Variants in RFTN1 observed in about 807,000 individuals in gnomAD.
The protein encoded by RFTN1 is raftlin.
In RFTN1, 26 loss-of-function variants were observed where a neutral mutation model predicts 46.5. The ratio of observed to expected loss-of-function variants is 0.56; its 90% CI spans 0.41 to 0.78. RFTN1 has a LOEUF of 0.78. RFTN1 is among the 30% of genes least tolerant of loss of function. The pLI is 0.00. For synonymous variants in RFTN1, 261 were observed against 284.2 expected, an observed-to-expected ratio of 0.92 and a Z score of 0.82; for missense variants, 693 against 718.7, an observed-to-expected ratio of 0.96 and a Z score of 0.41.
rs1003936726 is a variant in RFTN1 at position 16,338,791 on chromosome 3, GA to G, written c.1147-11916del. 5.9e-5 allele frequency among the ~76,000 whole-genome samples: 9 copies of G among 152,192 alleles called. No individual in the cohort carries two copies. The highest frequency in any genetic ancestry group is 5.8e-4 in the East Asian group (3 of 5,182). On this transcript the variant is annotated intron_variant, in intron 7 of 9. Coordinates refer to ENST00000334133, the MANE Select transcript of RFTN1 (RefSeq NM_015150.2). The surrounding 1 kb of genome is among the most constrained non-coding windows in gnomAD (Gnocchi z 5.3). Reference sequence around the variant, plus strand: ...TTACCTAGAAAAGAGAAAAGGGATTGAAAAAAGGAGCTTTTCCAAAGTGTAT... The same window carrying G: ...TTACCTAGAAAAGAGAAAAGGGATTGAAAAAGGAGCTTTTCCAAAGTGTAT...
rs1178486982 is a variant in RFTN1, at chr3:16,404,351, AAT to A, written c.441+5022_441+5023del. On this transcript the variant is annotated intron_variant, in intron 4 of 9. Coordinates refer to ENST00000334133, the MANE Select transcript of RFTN1 (RefSeq NM_015150.2). ...ATAATATATAATATATATAATATAT[AAT>A]ATATATACACAATATATAATATATA... 1.9e-4 allele frequency among the ~76,000 whole-genome samples: 5 copies of A among 26,692 alleles called. 1 individual carries two copies. The highest frequency in any genetic ancestry group is 3.1e-4 in the Non-Finnish European group (4 of 12,874). 17.5% of individuals were successfully genotyped at this position (26,692 alleles called of 152,430 possible).
chr3:16,437,446 C>T (rs2075537323), intron 2 of RFTN1, among the ~76,000 whole-genome samples: 4 of 151,992 alleles, frequency 2.6e-5, no homozygotes, highest in Non-Finnish European at 5.9e-5. Context: ...ATCGCTTGAG[C>T]CCAGGAGTTT....
chr3:16,434,522 T>C lies in RFTN1; in HGVS notation c.146-485A>G, dbSNP rs113601051. On this transcript the variant is annotated intron_variant, in intron 2 of 9. Transcript: ENST00000334133. ...GTGAGCCATGATAGGGCCACTGCACTCTAGCCTGGGCAACAGAGCAAGCCA... is the reference window on the plus strand; with the variant it reads ...GTGAGCCATGATAGGGCCACTGCACCCTAGCCTGGGCAACAGAGCAAGCCA... Among the ~76,000 whole-genome samples, 840 of 152,076 alleles carry C rather than the reference T, an allele frequency of 5.5e-3. 10 individuals carry two copies. The highest frequency in any genetic ancestry group is 0.019 in the African/African-American group (791 of 41,472).
rs922220813 is a variant in RFTN1, at chr3:16,468,208, T to C, written c.145+25517A>G. Among the ~76,000 whole-genome samples, 2 of 152,224 alleles carry C rather than the reference T, an allele frequency of 1.3e-5. No individual in the cohort carries two copies. The highest frequency in any genetic ancestry group is 2.9e-5 in the Non-Finnish European group (2 of 68,042). On this transcript the variant is annotated intron_variant, in intron 2 of 9. Transcript: ENST00000334133. This position sits in a 1 kb window ranked among gnomAD's most constrained non-coding sequence, Gnocchi z 4.4. Reference sequence around the variant, plus strand: ...TCTCTAGAAATTCCGTCGGCTTAATTTATGTGGCTCATTCCTCATTCCCTT... The same window carrying C: ...TCTCTAGAAATTCCGTCGGCTTAATCTATGTGGCTCATTCCTCATTCCCTT...
chr3:16,453,671 C>T (rs1039483421), intron 2 of RFTN1, among the ~76,000 whole-genome samples: 2 of 152,074 alleles, frequency 1.3e-5, no homozygotes, highest in African/African-American at 4.8e-5. Flanking sequence ...AAAGCATGAA[C>T]GTATGTAACG....
chr3:16,463,747 G>A (rs2076044193), intron 2 of RFTN1, among the ~76,000 whole-genome samples: 1 of 152,046 alleles, frequency 6.6e-6, no homozygotes, highest in Admixed American at 6.5e-5. Context: ...ATTTTTGATT[G>A]AATACCAGAC....
At position 16,341,733 on chromosome 3, in the gene RFTN1, A is replaced by C. The variant is rs185690252; in HGVS notation, c.1147-14857T>G. ...CCACCAATGGAAAACTAATTAAATA[A>C]ATTAAAATTTTTCATAGATTGAAGT... is the stretch of plus-strand genomic sequence containing the variant. On this transcript the variant is annotated intron_variant, in intron 7 of 9. Transcript: ENST00000334133. The surrounding 1 kb of genome is among the most constrained non-coding windows in gnomAD (Gnocchi z 4.7). 1.6e-3 allele frequency among the ~76,000 whole-genome samples: 240 copies of C among 152,356 alleles called. 3 individuals carry two copies. The highest frequency in any genetic ancestry group is 0.013 in the South Asian group (63 of 4,828).
intron 9 of RFTN1, among the ~76,000 whole-genome samples, chr3:16,319,136 T>C (rs1475999645): frequency 6.6e-6 from 1 of 152,132 alleles, no homozygotes; most frequent in African/African-American, 2.4e-5. Flanking sequence ...AGTCTCTCCT[T>C]TTTTTTAATG....
chr3:16,450,743 A>G lies in RFTN1; in HGVS notation c.146-16706T>C, dbSNP rs1259465959. On this transcript the variant is annotated intron_variant, in intron 2 of 9. Coordinates refer to ENST00000334133, the MANE Select transcript of RFTN1 (RefSeq NM_015150.2). The surrounding 1 kb of genome is among the most constrained non-coding windows in gnomAD (Gnocchi z 4.6). ...AGAAGGTGTTATTTTGCCTTCTCTT[A>G]CCTTTTCATCAGACCCTGTTCTCAA... Among the ~76,000 whole-genome samples, 1 of 152,022 alleles carries G rather than the reference A, an allele frequency of 6.6e-6. No homozygotes were observed. Among genetic ancestry groups the G allele is most frequent in the African/African-American group, 2.4e-5 (1 of 41,358 alleles).
At chr3:16,379,672 G>A (rs2073915403) in intron 4 of RFTN1, among the ~76,000 whole-genome samples, 1 of 152,106 alleles carries the variant, frequency 6.6e-6, no homozygotes, top group African/African-American at 2.4e-5. Flanking sequence ...CATACGCCCC[G>A]AGTTGGCTCA....
In RFTN1 at chr3:16,322,021, C is replaced by T. The variant is rs1234900879; in HGVS notation, c.1332+1355G>A. Among the ~76,000 whole-genome samples, 4 of 152,212 alleles carry T rather than the reference C, an allele frequency of 2.6e-5. No homozygotes were observed. The highest frequency in any genetic ancestry group is 2.1e-4 in the South Asian group (1 of 4,828). On this transcript the variant is annotated intron_variant, in intron 9 of 9. Coordinates refer to ENST00000334133, the MANE Select transcript of RFTN1 (RefSeq NM_015150.2). The surrounding 1 kb of genome is among the most constrained non-coding windows in gnomAD (Gnocchi z 6.2). ...ACCATCTCCCTCTGTAAGGCTGCAG[C>T]GGGTGTCTGTCAGCATCTGACAGGG...
In RFTN1 at chr3:16,358,050, G is replaced by T; in HGVS notation, c.1031-3C>A. 4.0e-6 allele frequency: 5 copies of T among 1,238,708 alleles called. No individual in the cohort carries two copies. The highest frequency in any genetic ancestry group is 1.2e-5 in the South Asian group (1 of 81,276). The allele number at this position is 1,238,708 out of a possible 1,614,324, so 76.7% of individuals were successfully genotyped here. A position where few individuals can be genotyped will look rare whatever the true frequency, so the allele number is the denominator to read the frequency against. ...ATCTGTCAAGCCATGTAAGGAATCT[G>T]TGGAAAAAGAAAAAGGCGGGGGTGG... is the stretch of plus-strand genomic sequence containing the variant. On this transcript the variant is annotated splice_region_variant and splice_polypyrimidine_tract_variant and intron_variant, in intron 6 of 9. Coordinates refer to ENST00000334133, the MANE Select transcript of RFTN1 (RefSeq NM_015150.2).
At position 16,426,047 on chromosome 3, in the gene RFTN1, T is replaced by C. The variant is rs2075283738; in HGVS notation, c.332+7804A>G. Among the ~76,000 whole-genome samples, 1 of 152,318 alleles carries C rather than the reference T, an allele frequency of 6.6e-6. No homozygotes were observed. Among genetic ancestry groups the C allele is most frequent in the South Asian group, 2.1e-4 (1 of 4,830 alleles). The stretch of plus-strand genomic sequence containing the variant: ...CACCTTCTCATTCCCCGCTCTGCCT[T>C]AAGCAAGAGCTCTGAATTCACCTTC... On this transcript the variant is annotated intron_variant, in intron 3 of 9. Transcript: ENST00000334133. The surrounding 1 kb of genome is among the most constrained non-coding windows in gnomAD (Gnocchi z 5.9).
In RFTN1 at chr3:16,335,505, G is replaced by A. The variant is rs2070754830; in HGVS notation, c.1147-8629C>T. On this transcript the variant is annotated intron_variant, in intron 7 of 9. Coordinates refer to ENST00000334133, the MANE Select transcript of RFTN1 (RefSeq NM_015150.2). The surrounding 1 kb of genome is among the most constrained non-coding windows in gnomAD (Gnocchi z 4.7). Reference sequence around the variant, plus strand: ...AAGCTGTTATCCTTAGCAAACTAACGCAGGAACAGAAAATCAAACACCACA... The same window carrying A: ...AAGCTGTTATCCTTAGCAAACTAACACAGGAACAGAAAATCAAACACCACA... Among the ~76,000 whole-genome samples, 1 of 152,164 alleles carries A rather than the reference G, an allele frequency of 6.6e-6. No individual in the cohort carries two copies.
Position 16,321,178 on chromosome 3 carries a change from A to AC in RFTN1, c.1332+2197dup, listed in dbSNP as rs987411226. The stretch of plus-strand genomic sequence containing the variant: ...AGGTGGGCGAGGTATGGGGAGGGGG[A>AC]CAGTCATAGGTTTCCTCGAGCCACA... On this transcript the variant is annotated intron_variant, in intron 9 of 9. Transcript: ENST00000334133. This position sits in a 1 kb window ranked among gnomAD's most constrained non-coding sequence, Gnocchi z 4.8. 5.3e-5 allele frequency among the ~76,000 whole-genome samples: 8 copies of AC among 151,924 alleles called. No individual in the cohort carries two copies. The highest frequency in any genetic ancestry group is 2.6e-4 in the Admixed American group (4 of 15,254).
chr3:16,513,352 T>C lies in RFTN1; in HGVS notation c.-9+90A>G, dbSNP rs1693751491. The C allele has an allele frequency of 6.6e-6, 1 of 152,516 alleles. No individual in the cohort carries two copies. Among genetic ancestry groups the C allele is most frequent in the Non-Finnish European group, 1.5e-5 (1 of 68,312 alleles). The allele number at this position is 152,516 out of a possible 1,614,324, so 9.4% of individuals were successfully genotyped here. On this transcript the variant is annotated intron_variant, in intron 1 of 9. Coordinates refer to ENST00000334133, the MANE Select transcript of RFTN1 (RefSeq NM_015150.2). This position sits in a 1 kb window ranked among gnomAD's most constrained non-coding sequence, Gnocchi z 5.4. ...GGGAGGCGCCACGCGCGGTTCCCAC[T>C]ACCCGCCAGAGACCCGGTCCATGGG...
In RFTN1 at chr3:16,424,427, A is replaced by G. The variant is rs1156651104; in HGVS notation, c.332+9424T>C. 6.6e-6 allele frequency among the ~76,000 whole-genome samples: 1 copy of G among 152,214 alleles called. No homozygotes were observed. Among genetic ancestry groups the G allele is most frequent in the Admixed American group, 6.5e-5 (1 of 15,282 alleles). On this transcript the variant is annotated intron_variant, in intron 3 of 9. Coordinates refer to ENST00000334133, the MANE Select transcript of RFTN1 (RefSeq NM_015150.2). The surrounding 1 kb of genome is among the most constrained non-coding windows in gnomAD (Gnocchi z 4.7). ...TGCTGAAAGCACAGTAATGTTTTCG[A>G]CAAATATTAACAACAGAAACAACCA... is the stretch of plus-strand genomic sequence containing the variant.
intron 3 of RFTN1, among the ~76,000 whole-genome samples, chr3:16,431,463 A>G (rs908498664): frequency 6.6e-6 from 1 of 152,072 alleles, no homozygotes; most frequent in Admixed American, 6.6e-5. Flanking sequence ...ACTCACAAGC[A>G]CATTAAAGTT....
rs757067325 is a variant in RFTN1 at position 16,452,937 on chromosome 3, A to C, written c.146-18900T>G. Among the ~76,000 whole-genome samples, 4 of 152,222 alleles carry C rather than the reference A, an allele frequency of 2.6e-5. No individual in the cohort carries two copies. Among genetic ancestry groups the C allele is most frequent in the Non-Finnish European group, 4.4e-5 (3 of 68,026 alleles). On this transcript the variant is annotated intron_variant, in intron 2 of 9. Coordinates refer to ENST00000334133, the MANE Select transcript of RFTN1 (RefSeq NM_015150.2). This position sits in a 1 kb window ranked among gnomAD's most constrained non-coding sequence, Gnocchi z 6.3. ...TTTTACAGCAGAAAAAGCCCTTAAA[A>C]ATGAGAATGAGGATGATGATGATGA...
Sources: allele counts gnomAD v4.1 joint callset (sites outside exome capture counted in the v4.1 genomes callset), GRCh38; gene constraint gnomAD v4.1.1; non-coding constraint Gnocchi (gnomAD v3.1); transcripts MANE v1.5; gene names NCBI Gene and HGNC (gene_info 2026-07-23, HGNC 2026-07-21).